RUFY4: variants seen among roughly 807,000 people sequenced by gnomAD.
The protein encoded by RUFY4 is RUN and FYVE domain-containing protein 4.
RUFY4 carries 73 observed loss-of-function variants against 69.0 expected under a neutral mutation model. The ratio of observed to expected loss-of-function variants is 1.06; its 90% CI spans 0.88 to 1.29. RUFY4 has a LOEUF of 1.29. Among genes scored for constraint, RUFY4 ranks in the 50% most tolerant of loss-of-function variants. RUFY4 has a pLI of 0.00. For missense variants in RUFY4, 770 were observed against 705.6 expected (o/e 1.09, Z -1.03); for synonymous variants, 287 against 271.8 (o/e 1.06, Z -0.55).
chr2:218,039,384 G>A (rs115248138), intron 2 of RUFY4, among the ~76,000 whole-genome samples: 2 of 152,252 alleles, frequency 1.3e-5, no homozygotes, highest in South Asian at 4.1e-4. Context: ...AATTGTGGTG[G>A]TGACACATGG....
chr2:218,060,373 C>T (rs1269779464), intron 3 of RUFY4: 4 of 1,548,348 alleles, frequency 2.6e-6, no homozygotes, highest in Non-Finnish European at 3.5e-6. Context: ...TGAAGAAGAG[C>T]CAACAAAGGA....
intron 9 of RUFY4, 22 bp downstream of exon 11, chr2:218,083,278 A>C (rs376526557): frequency 1.6e-4 from 254 of 1,560,382 alleles, no homozygotes; most frequent in Non-Finnish European, 2.2e-4. Flanking sequence ...GACAGTGGGA[A>C]AGGGGAAACA....
At chr2:218,070,482 G>A, upstream of RUFY4, 1 of 836,084 alleles carries the variant, frequency 1.2e-6, no homozygotes, top group Non-Finnish European at 2.0e-6. Flanking sequence ...CCCAAGATTA[G>A]TCACTTTCCC....
At chr2:218,057,425 T>G (rs1299496823) in intron 2 of RUFY4, among the ~76,000 whole-genome samples, 1 of 152,242 alleles carries the variant, frequency 6.6e-6, no homozygotes, top group African/African-American at 2.4e-5. Context: ...AAGCCATTTA[T>G]TACACATGCT....
intron 2 of RUFY4, among the ~76,000 whole-genome samples, chr2:218,038,396 CT>C (rs1959011082): frequency 6.6e-6 from 1 of 152,186 alleles, no homozygotes; most frequent in South Asian, 2.1e-4. Flanking sequence ...GCTGAGTTTG[CT>C]TTTGCAAAGT....
intron 3 of RUFY4, chr2:218,060,350 T>G (rs1303346345): frequency 6.5e-7 from 1 of 1,538,472 alleles, no homozygotes; most frequent in African/African-American, 1.4e-5. Flanking sequence ...TAGAGAGTAG[T>G]GGAAGTGTGC....
chr2:218,059,558 T>C (rs960605407), intron 3 of RUFY4: 7 of 167,034 alleles, frequency 4.2e-5, no homozygotes, highest in African/African-American at 1.7e-4. Context: ...TCACTTAGCA[T>C]GAAGTTTTCA....
intron 3 of RUFY4, chr2:218,061,333 C>T (rs1689185851): frequency 3.8e-6 from 1 of 261,916 alleles, no homozygotes; most frequent in Non-Finnish European, 7.6e-6. Context: ...GGGGTAGGGT[C>T]ATAGCTGAAA....
intron 8 of RUFY4, among the ~76,000 whole-genome samples, chr2:218,080,860 G>T (rs558661109): frequency 7.2e-5 from 11 of 151,964 alleles, no homozygotes; most frequent in Admixed American, 6.5e-4. Context: ...AAAGAGTTTT[G>T]ATCTGGGCTG....
chr2:218,049,798 G>A (rs749890937), intron 2 of RUFY4, among the ~76,000 whole-genome samples: 10 of 152,148 alleles, frequency 6.6e-5, no homozygotes, highest in East Asian at 3.9e-4. Context: ...GTGAGCCACC[G>A]TGCCCAGCTA....
intron 2 of RUFY4, among the ~76,000 whole-genome samples, chr2:218,058,139 A>G (rs974624357): frequency 1.3e-5 from 2 of 152,192 alleles, no homozygotes; most frequent in African/African-American, 2.4e-5. Flanking sequence ...ATCTTCTTCT[A>G]ATCTGGTGAA....
intron 3 of RUFY4, among the ~76,000 whole-genome samples, chr2:218,062,890 C>G (rs370979169): frequency 1.3e-5 from 2 of 152,140 alleles, no homozygotes; most frequent in Admixed American, 1.3e-4. Context: ...GAGGGAACGG[C>G]GGCAGGAAGC....
At chr2:218,044,044 C>T (rs1688763940) in intron 2 of RUFY4, among the ~76,000 whole-genome samples, 1 of 152,214 alleles carries the variant, frequency 6.6e-6, no homozygotes, top group Admixed American at 6.5e-5. Context: ...TCGGAGTGGG[C>T]ACCGGGAGTG....
chr2:218,037,176 C>G (rs1442832447), intron 2 of RUFY4, among the ~76,000 whole-genome samples: 1 of 151,902 alleles, frequency 6.6e-6, no homozygotes, highest in Non-Finnish European at 1.5e-5. Context: ...AAAAATTAGC[C>G]GGGCGTGGTG....
intron 3 of RUFY4, chr2:218,059,824 G>T (rs545666130): frequency 3.4e-4 from 57 of 166,926 alleles, no homozygotes; most frequent in Non-Finnish European, 6.9e-4. Flanking sequence ...TTCACTTCTT[G>T]TGGGTCAATT....
rs758207848 is a variant in RUFY4 at position 218,070,596 on chromosome 2, C to T, written c.-10C>T. On this transcript the variant is annotated 5_prime_UTR_variant, in exon 1 of 11. Transcript: ENST00000344321. ...CAAGTTGCAAGGAATCACATCATTT[C>T]CAAGTACCCATGGCAGAAGAGGGAG... The T allele has an allele frequency of 3.0e-5, 46 of 1,537,252 alleles. 1 individual carries two copies. The highest frequency in any genetic ancestry group is 3.9e-5 in the Non-Finnish European group (45 of 1,146,756).
At chr2:218,064,276 C>A (rs1363406552), upstream of RUFY4, among the ~76,000 whole-genome samples, 1 of 152,156 alleles carries the variant, frequency 6.6e-6, no homozygotes, top group Non-Finnish European at 1.5e-5. Context: ...CCACCAAGAA[C>A]CTTCAGCTCC....
chr2:218,036,457 G>A (rs545727353), intron 2 of RUFY4, among the ~76,000 whole-genome samples: 3 of 152,184 alleles, frequency 2.0e-5, no homozygotes, highest in African/African-American at 4.8e-5. Context: ...GGGTGAGAAC[G>A]AGTGAGTCTA....
chr2:218,045,840 T>C (rs941968167), intron 2 of RUFY4, among the ~76,000 whole-genome samples: 1 of 151,940 alleles, frequency 6.6e-6, no homozygotes, highest in Admixed American at 6.6e-5. Flanking sequence ...AGTCTCGCTC[T>C]GTTGCCCAGG....
Sources: allele counts gnomAD v4.1 joint callset (sites outside exome capture counted in the v4.1 genomes callset), GRCh38; gene constraint gnomAD v4.1.1; transcripts MANE v1.5; gene names NCBI Gene and HGNC (gene_info 2026-07-23, HGNC 2026-07-21).